The following LUZP2 variants were observed in gnomAD, a reference collection of about 807,000 sequenced individuals.
LUZP2 encodes the protein leucine zipper protein 2.
LUZP2 carries 52 observed loss-of-function variants against 51.6 expected under a neutral mutation model. The ratio of observed to expected loss-of-function variants is 1.01; its 90% confidence interval spans 0.81 to 1.27. LUZP2 has a LOEUF of 1.27. Ranked by LOEUF, LUZP2 falls within the 50% of genes most tolerant of loss-of-function variation. The pLI is 0.00. For missense variants in LUZP2, 436 were observed against 395.4 expected (o/e 1.10, Z -0.87); for synonymous variants, 154 against 137.3 (o/e 1.12, Z -0.85).
At chr11:24,785,619 C>T (rs1849223640) in intron 5 of LUZP2, among the ~76,000 whole-genome samples, 1 of 151,516 alleles carries the variant, frequency 6.6e-6, no homozygotes, top group South Asian at 2.1e-4. Flanking sequence ...GACAAGATGA[C>T]CCTGGTAGTC....
At chr11:24,620,189 A>G (rs1208050604) in intron 1 of LUZP2, among the ~76,000 whole-genome samples, 4 of 152,182 alleles carry the variant, frequency 2.6e-5, no homozygotes, top group Admixed American at 1.3e-4. Context: ...ATTTTTTAAG[A>G]TGAGAATTTC....
At chr11:24,774,567 A>AT (rs1312080149) in intron 5 of LUZP2, among the ~76,000 whole-genome samples, 6 of 32,336 alleles carry the variant, frequency 1.9e-4, no homozygotes, top group African/African-American at 5.1e-4. Flanking sequence ...TTCTATATAT[A>AT]TGTAGAATAT....
At chr11:24,781,311 C>T (rs1849083814) in intron 5 of LUZP2, among the ~76,000 whole-genome samples, 2 of 151,962 alleles carry the variant, frequency 1.3e-5, no homozygotes, top group South Asian at 4.1e-4. Flanking sequence ...TTTCCTCCTC[C>T]TCTCTTCTAT....
intron 1 of LUZP2, among the ~76,000 whole-genome samples, chr11:24,523,558 A>G (rs1388847655): frequency 6.6e-6 from 1 of 150,520 alleles, no homozygotes; most frequent in Non-Finnish European, 1.5e-5. Context: ...TTATATATAT[A>G]TTAGATAAAT....
At chr11:24,766,243 A>T (rs906600301) in intron 5 of LUZP2, among the ~76,000 whole-genome samples, 1 of 152,120 alleles carries the variant, frequency 6.6e-6, no homozygotes, top group Admixed American at 6.5e-5. Flanking sequence ...TTTTTTATGA[A>T]ATATTCAAGT....
intron 9 of LUZP2, among the ~76,000 whole-genome samples, chr11:25,009,509 G>A (rs1856924875): frequency 6.6e-6 from 1 of 151,834 alleles, no homozygotes; most frequent in Non-Finnish European, 1.5e-5. Context: ...CTTTTATCTA[G>A]TAACTAAAGA....
In LUZP2 at chr11:24,534,358, T is replaced by C. The variant is rs188103188; in HGVS notation, c.62+37053T>C. On this transcript the variant is annotated intron_variant, in intron 1 of 11. Coordinates refer to ENST00000336930, the MANE Select transcript of LUZP2 (RefSeq NM_001009909.4). ...GAGAGAGAGCAACAAGCTCTTTCTA[T>C]ATATTTACATATAGAAGATGACATA... Among the ~76,000 whole-genome samples, 1,244 of 151,420 alleles carry C rather than the reference T, an allele frequency of 8.2e-3. 17 individuals are homozygous for C. Among genetic ancestry groups the C allele is most frequent in the South Asian group, 0.035 (171 of 4,826 alleles).
intron 1 of LUZP2, among the ~76,000 whole-genome samples, chr11:24,564,737 G>A (rs2133780934): frequency 6.6e-6 from 1 of 152,218 alleles, no homozygotes; most frequent in Admixed American, 6.5e-5. Flanking sequence ...TTTGTAATCA[G>A]CAGAAAGTCT....
chr11:24,923,435 G>T (rs185814665), intron 7 of LUZP2, among the ~76,000 whole-genome samples: 2 of 152,016 alleles, frequency 1.3e-5, no homozygotes, highest in African/African-American at 4.8e-5. Flanking sequence ...GGTGTCTCAC[G>T]CCTGTAATCC....
chr11:25,014,151 G>A (rs1857069223), intron 9 of LUZP2, among the ~76,000 whole-genome samples: 1 of 152,116 alleles, frequency 6.6e-6, no homozygotes, highest in African/African-American at 2.4e-5. Context: ...GTCTATCATT[G>A]TTGGACATTT....
chr11:24,678,792 G>A (rs767320766), intron 1 of LUZP2, among the ~76,000 whole-genome samples: 3 of 152,188 alleles, frequency 2.0e-5, no homozygotes, highest in Non-Finnish European at 2.9e-5. Context: ...GTCGCCCAAT[G>A]TTAATTTAAG....
At chr11:24,807,973 T>A (rs1317418637) in intron 5 of LUZP2, among the ~76,000 whole-genome samples, 4 of 152,198 alleles carry the variant, frequency 2.6e-5, no homozygotes, top group African/African-American at 7.2e-5. Flanking sequence ...AAGTCATTTC[T>A]TAATTATTTT....
rs1009222427 is a variant in LUZP2 at position 24,631,407 on chromosome 11, T to C, written c.63-97762T>C. Among the ~76,000 whole-genome samples, 19 of 149,836 alleles carry C rather than the reference T, an allele frequency of 1.3e-4. No individual in the cohort carries two copies. In the East Asian group the frequency reaches 3.5e-3, roughly 28 times the overall value. On this transcript the variant is annotated intron_variant, in intron 1 of 11. Coordinates refer to ENST00000336930, the MANE Select transcript of LUZP2 (RefSeq NM_001009909.4). Reference sequence around the variant, plus strand: ...TGTTTTTCTTTATTGTTTTTTTTTTTCTTTTCTTTTCATATCATGAGGTGG... The same window carrying C: ...TGTTTTTCTTTATTGTTTTTTTTTTCCTTTTCTTTTCATATCATGAGGTGG...
intron 5 of LUZP2, chr11:24,890,891 GTTCT>G: frequency 1.9e-6 from 1 of 519,436 alleles, no homozygotes; most frequent in Non-Finnish European, 2.2e-6. Context: ...AGGAGTAAAA[GTTCT>G]TTTTTTTTTT....
At chr11:24,801,282 G>T (rs1849692293) in intron 5 of LUZP2, among the ~76,000 whole-genome samples, 1 of 151,964 alleles carries the variant, frequency 6.6e-6, no homozygotes, top group African/African-American at 2.4e-5. Flanking sequence ...CGATCTGCCT[G>T]CCTCTGCAAC....
chr11:24,965,840 A>G (rs1490527015), intron 7 of LUZP2, among the ~76,000 whole-genome samples: 1 of 151,804 alleles, frequency 6.6e-6, no homozygotes, highest in African/African-American at 2.4e-5. Context: ...CTATTACTAT[A>G]GATAGCACCC....
chr11:24,936,983 T>C (rs566969187), intron 7 of LUZP2, among the ~76,000 whole-genome samples: 1 of 152,250 alleles, frequency 6.6e-6, no homozygotes, highest in African/African-American at 2.4e-5. Context: ...TTATATCATA[T>C]GTGAAAACTG....
chr11:24,856,005 G>A (rs1435975200), intron 5 of LUZP2, among the ~76,000 whole-genome samples: 2 of 151,992 alleles, frequency 1.3e-5, no homozygotes, highest in Non-Finnish European at 2.9e-5. Context: ...TAAAATCCTA[G>A]GAAAGAAATC....
chr11:24,818,981 G>A (rs188300383), intron 5 of LUZP2, among the ~76,000 whole-genome samples: 29 of 152,184 alleles, frequency 1.9e-4, no homozygotes, highest in Admixed American at 8.5e-4. Flanking sequence ...CAGGATCCAT[G>A]AAAATGAGTT....
Sources: allele counts gnomAD v4.1 joint callset (sites outside exome capture counted in the v4.1 genomes callset), GRCh38; gene constraint gnomAD v4.1.1; transcripts MANE v1.5; gene names NCBI Gene and HGNC (gene_info 2026-07-23, HGNC 2026-07-21).